The following DLGAP2 variants were observed in gnomAD, a reference collection of about 807,000 sequenced individuals.
DLGAP2 encodes disks large-associated protein 2.
DLGAP2 carries 26 observed loss-of-function variants against 100.3 expected under a neutral mutation model. That is an observed-to-expected ratio of 0.26 (90% CI 0.19 to 0.36). DLGAP2 has a LOEUF of 0.36. DLGAP2 is among the 10% of genes least tolerant of loss of function. The pLI, the probability that DLGAP2 is intolerant of heterozygous loss-of-function variation, is 1.00. For synonymous variants in DLGAP2, 886 were observed against 630.1 expected, an observed-to-expected ratio of 1.41 and a Z score of -6.08; for missense variants, 1,858 against 1,453.2, an observed-to-expected ratio of 1.28 and a Z score of -4.53.
intron 3 of DLGAP2, among the ~76,000 whole-genome samples, chr8:1,390,902 G>A (rs1249322690): frequency 3.3e-5 from 5 of 152,230 alleles, no homozygotes; most frequent in Non-Finnish European, 5.9e-5. Context: ...AAAATGGCAA[G>A]GCAGGCAGCA....
chr8:1,086,210 C>T (rs1803968626), intron 2 of DLGAP2, among the ~76,000 whole-genome samples: 1 of 152,136 alleles, frequency 6.6e-6, no homozygotes, highest in Non-Finnish European at 1.5e-5. Context: ...CATCTGCAAA[C>T]AGGAACAATT....
intron 2 of DLGAP2, among the ~76,000 whole-genome samples, chr8:1,187,612 C>CA (rs1391405250): frequency 7.3e-6 from 1 of 137,164 alleles, no homozygotes; most frequent in Non-Finnish European, 1.5e-5. Context: ...CACGGAATCT[C>CA]ACACACCCAG....
intron 3 of DLGAP2, among the ~76,000 whole-genome samples, chr8:1,340,845 A>G (rs962332489): frequency 5.9e-5 from 9 of 152,236 alleles, no homozygotes; most frequent in Non-Finnish European, 7.3e-5. Flanking sequence ...AATGCCATCA[A>G]TGGTAGATTG....
chr8:905,923 G>A (rs774307430), intron 1 of DLGAP2, among the ~76,000 whole-genome samples: 1 of 152,206 alleles, frequency 6.6e-6, no homozygotes, highest in Admixed American at 6.5e-5. Context: ...CCATGAAAGG[G>A]CAGCGATGGT....
At chr8:930,338 C>A (rs868630651) in intron 2 of DLGAP2, among the ~76,000 whole-genome samples, 8 of 152,168 alleles carry the variant, frequency 5.3e-5, no homozygotes, top group African/African-American at 1.9e-4. Flanking sequence ...GCAATGTTGT[C>A]TCTGCTTTAG....
At chr8:1,386,795 A>G (rs1465873438) in intron 3 of DLGAP2, among the ~76,000 whole-genome samples, 1 of 152,186 alleles carries the variant, frequency 6.6e-6, no homozygotes, top group Non-Finnish European at 1.5e-5. Context: ...CCAAAGAAAA[A>G]AAGGATTGAT....
chr8:1,350,960 A>C (rs1415870842), intron 3 of DLGAP2, among the ~76,000 whole-genome samples: 4 of 113,958 alleles, frequency 3.5e-5, no homozygotes, highest in Admixed American at 8.8e-5. Context: ...GTGTGTGGAA[A>C]GGCCGTGCGG....
chr8:777,451 G>A (rs1194723729), intron 1 of DLGAP2, among the ~76,000 whole-genome samples: 1 of 151,730 alleles, frequency 6.6e-6, no homozygotes, highest in African/African-American at 2.4e-5. Context: ...AGTCTCGATG[G>A]TCTTTACATT....
At chr8:1,251,791 A>C (rs1310912784) in intron 2 of DLGAP2, among the ~76,000 whole-genome samples, 1 of 152,230 alleles carries the variant, frequency 6.6e-6, no homozygotes, top group Non-Finnish European at 1.5e-5. Context: ...GTGGTGTCCC[A>C]CAGTCACGTC....
chr8:755,074 G>C (rs1820888531), intron 1 of DLGAP2, among the ~76,000 whole-genome samples: 1 of 152,142 alleles, frequency 6.6e-6, no homozygotes, highest in South Asian at 2.1e-4. Flanking sequence ...TCATTCATTT[G>C]ATGTATTTAC....
At chr8:1,188,110 C>A (rs186373187) in intron 2 of DLGAP2, among the ~76,000 whole-genome samples, 3 of 143,378 alleles carry the variant, frequency 2.1e-5, no homozygotes, top group African/African-American at 8.2e-5. Flanking sequence ...CCCGGGACCT[C>A]CGTGACATTT....
intron 4 of DLGAP2, among the ~76,000 whole-genome samples, chr8:1,506,414 T>A (rs1034330243): frequency 2.0e-5 from 3 of 152,218 alleles, no homozygotes; most frequent in Admixed American, 2.0e-4. Context: ...TTCCTTTTAA[T>A]GTTCAGACGT....
At chr8:1,632,070 G>A (rs909936768) in intron 7 of DLGAP2, among the ~76,000 whole-genome samples, 6 of 151,988 alleles carry the variant, frequency 3.9e-5, no homozygotes, top group African/African-American at 1.5e-4. Context: ...ATGGGAGGGG[G>A]TGAGGGGAGA....
At chr8:1,543,273 C>T (rs1584909290) in intron 4 of DLGAP2, among the ~76,000 whole-genome samples, 2 of 152,256 alleles carry the variant, frequency 1.3e-5, no homozygotes, top group South Asian at 4.2e-4. Flanking sequence ...TTGCCTGGTT[C>T]ACAGTCACAA....
At chr8:765,325 T>A (rs1032212737) in intron 1 of DLGAP2, among the ~76,000 whole-genome samples, 1 of 152,114 alleles carries the variant, frequency 6.6e-6, no homozygotes, top group East Asian at 1.9e-4. Flanking sequence ...GGTAAAATAT[T>A]TTTTTTCTTT....
At chr8:821,118 A>G (rs1042422157) in intron 1 of DLGAP2, among the ~76,000 whole-genome samples, 1 of 152,226 alleles carries the variant, frequency 6.6e-6, no homozygotes, top group Non-Finnish European at 1.5e-5. Context: ...GCTACAATAA[A>G]AGTCAGCTAA....
At chr8:1,629,631 T>C (rs1234175638) in intron 7 of DLGAP2, among the ~76,000 whole-genome samples, 2 of 152,130 alleles carry the variant, frequency 1.3e-5, no homozygotes, top group Non-Finnish European at 2.9e-5. Context: ...GCAGACTTTC[T>C]TCTTTTAAAG....
At chr8:1,529,522 C>A (rs1174470750) in intron 4 of DLGAP2, among the ~76,000 whole-genome samples, 1 of 152,174 alleles carries the variant, frequency 6.6e-6, no homozygotes, top group Admixed American at 6.5e-5. Flanking sequence ...GAGAAAAATT[C>A]ATGTTTATAG....
chr8:1,408,002 C>T (rs970704261), intron 3 of DLGAP2, among the ~76,000 whole-genome samples: 1 of 152,224 alleles, frequency 6.6e-6, no homozygotes, highest in African/African-American at 2.4e-5. Context: ...TGTTTAACAG[C>T]ATCGCTGGAC....
Sources: gnomAD v4.1 joint callset for allele counts (sites outside exome capture counted in the v4.1 genomes callset) on GRCh38, gnomAD v4.1.1 for gene constraint, MANE v1.5 for transcripts, NCBI Gene and HGNC (gene_info 2026-07-23, HGNC 2026-07-21) for gene names.